PLEKHH1: variants seen among roughly 807,000 people sequenced by gnomAD.
PLEKHH1 encodes pleckstrin homology, MyTH4 and FERM domain containing H1, also known as pleckstrin homology domain-containing family H member 1.
In PLEKHH1, 104 loss-of-function variants were observed where a neutral mutation model predicts 160.0. The ratio of observed to expected loss-of-function variants is 0.65; its 90% CI spans 0.55 to 0.76. The LOEUF (loss-of-function observed/expected upper bound fraction) is 0.76. Among genes scored for constraint, PLEKHH1 ranks in the 30% least tolerant of loss-of-function variants. PLEKHH1 has a pLI of 0.00. For missense variants in PLEKHH1, 1,427 were observed against 1,724.1 expected (o/e 0.83, Z 3.05); for synonymous variants, 619 against 678.4 (o/e 0.91, Z 1.36).
At chr14:67,536,811 G>A (rs1341713992) in intron 1 of PLEKHH1, among the ~76,000 whole-genome samples, 1 of 151,868 alleles carries the variant, frequency 6.6e-6, no homozygotes, top group African/African-American at 2.4e-5. Flanking sequence ...GGGAGGCCAA[G>A]GCAGGTGGAT....
At chr14:67,579,069 A>T (rs2035763501) in intron 20 of PLEKHH1, 65 bp from the exon 21 acceptor site, 1 of 1,164,324 alleles carries the variant, frequency 8.6e-7, no homozygotes, top group African/African-American at 1.5e-5. Flanking sequence ...CTAGATAGGG[A>T]TCCGGGGTGC....
At chr14:67,534,052 T>G (rs1403092891) in intron 1 of PLEKHH1, among the ~76,000 whole-genome samples, 1 of 152,048 alleles carries the variant, frequency 6.6e-6, no homozygotes, top group East Asian at 1.9e-4. Flanking sequence ...ATCCACCTCA[T>G]AAAACTCTTC....
chr14:67,569,310 A>G, intron 8 of PLEKHH1, 94 bp downstream of exon 8: 3 of 877,228 alleles, frequency 3.4e-6, no homozygotes, highest in Non-Finnish European at 3.7e-6. Flanking sequence ...ACCCAGGGCC[A>G]GGGTTGGCTG....
At position 67,579,291 on chromosome 14, in the gene PLEKHH1, T is replaced by C; in HGVS notation, c.3007T>C (p.Phe1003Leu). 6.4e-7 allele frequency: 1 copy of C among 1,551,780 alleles called. No homozygotes were observed. Among genetic ancestry groups the C allele is most frequent in the Non-Finnish European group, 8.7e-7 (1 of 1,152,408 alleles). ...HSLPFSIPVH[F>L]TNGTYHVVGF... is the part of the protein sequence containing the mutation. ...CTTGCCCTTCAGCATCCCCGTGCACTTTACCAACGGGACTTACCATGTGAG... is the reference window on the plus strand; with the variant it reads ...CTTGCCCTTCAGCATCCCCGTGCACCTTACCAACGGGACTTACCATGTGAG... The change falls in exon 21 of 29, where the codon TTT (phenylalanine) becomes CTT (leucine). Residue 1003 changes from phenylalanine (F) to leucine (L), a missense_variant. Around this residue, in one of 6 missense-constraint regions of PLEKHH1, gnomAD observed 436 missense variants for 607.5 expected, o/e 0.72. Coordinates refer to ENST00000329153, the MANE Select transcript of PLEKHH1 (RefSeq NM_020715.3).
rs2035642030 is a variant in PLEKHH1, at chr14:67,576,805, C to A, written c.2461+302C>A. 6.6e-6 allele frequency among the ~76,000 whole-genome samples: 1 copy of A among 152,172 alleles called. No individual in the cohort carries two copies. The highest frequency in any genetic ancestry group is 2.4e-5 in the African/African-American group (1 of 41,418). On this transcript the variant is annotated intron_variant, in intron 17 of 28. Transcript: ENST00000329153. This position sits in a 1 kb window ranked among gnomAD's most constrained non-coding sequence, Gnocchi z 4.0. ...GCAGAGGGCTGAGGAAAGAAGGTAG[C>A]TGGTTAATCTATAGTTAGAGTTTGT... is the stretch of plus-strand genomic sequence containing the variant.
intron 7 of PLEKHH1, among the ~76,000 whole-genome samples, chr14:67,566,777 C>G (rs2035116604): frequency 6.7e-6 from 1 of 149,172 alleles, no homozygotes; most frequent in Non-Finnish European, 1.5e-5. Context: ...AGTGGGTCTT[C>G]TCTATCTGAA....
chr14:67,580,437 C>T (rs867480784), intron 22 of PLEKHH1: 14 of 170,900 alleles, frequency 8.2e-5, no homozygotes, highest in Admixed American at 2.7e-4. Context: ...AGAATGTGCT[C>T]TAGCACTTTG....
chr14:67,551,996 C>T (rs17184938), intron 2 of PLEKHH1, among the ~76,000 whole-genome samples: 49,339 of 152,118 alleles, frequency 0.32, 8,126 homozygotes, highest in Middle Eastern at 0.34. Context: ...CAGGAGAGTC[C>T]CAGGTGCTCC....
chr14:67,535,285 C>T (rs2033661698), intron 1 of PLEKHH1, among the ~76,000 whole-genome samples: 2 of 151,252 alleles, frequency 1.3e-5, no homozygotes, highest in South Asian at 4.2e-4. Flanking sequence ...ACTATATACC[C>T]TTTTGTTCAA....
intron 2 of PLEKHH1, among the ~76,000 whole-genome samples, chr14:67,545,674 G>A (rs1352073018): frequency 6.6e-6 from 1 of 152,172 alleles, no homozygotes; most frequent in Non-Finnish European, 1.5e-5. Flanking sequence ...CAGAGAGATG[G>A]ATAAACATAT....
intron 2 of PLEKHH1, among the ~76,000 whole-genome samples, chr14:67,545,892 T>A (rs1403865154): frequency 3.3e-5 from 5 of 152,136 alleles, no homozygotes; most frequent in African/African-American, 1.2e-4. Context: ...GCTCATGGAT[T>A]TTATATATTT....
Position 67,584,882 on chromosome 14 carries a change from T to G in PLEKHH1, c.3700-686T>G, listed in dbSNP as rs546831777. Among the ~76,000 whole-genome samples the G allele has an allele frequency of 2.0e-4, 31 of 152,322 alleles. No homozygotes were observed. In the South Asian group the frequency reaches 6.4e-3, roughly 32 times the overall value. On this transcript the variant is annotated intron_variant, in intron 26 of 28. Transcript: ENST00000329153. ...CAAATGCTATGAAGATGTACAGAGG[T>G]GTTATAAAGGCATATAACAGGGACC...
intron 25 of PLEKHH1, 46 bp from the exon 26 acceptor site, chr14:67,583,949 C>T (rs748400579): frequency 7.4e-6 from 12 of 1,612,420 alleles, no homozygotes; most frequent in Middle Eastern, 1.6e-4. Flanking sequence ...AATGAAGACA[C>T]GTCGGCACTT....
At chr14:67,546,528 T>C (rs2034188169) in intron 2 of PLEKHH1, among the ~76,000 whole-genome samples, 1 of 152,052 alleles carries the variant, frequency 6.6e-6, no homozygotes, top group Non-Finnish European at 1.5e-5. Context: ...GTAGCTGGGA[T>C]TACAGGCGCG....
At chr14:67,551,717 C>A (rs2034398721) in intron 2 of PLEKHH1, among the ~76,000 whole-genome samples, 1 of 152,098 alleles carries the variant, frequency 6.6e-6, no homozygotes, top group African/African-American at 2.4e-5. Context: ...GGAGAAACCC[C>A]ATCTCTACTA....
intron 2 of PLEKHH1, among the ~76,000 whole-genome samples, chr14:67,542,530 T>C (rs2034011350): frequency 6.6e-6 from 1 of 152,106 alleles, no homozygotes; most frequent in African/African-American, 2.4e-5. Flanking sequence ...CTAAGAGTTA[T>C]TTTGAGAATT....
chr14:67,552,850 G>A (rs907521561), intron 2 of PLEKHH1, among the ~76,000 whole-genome samples: 5 of 152,060 alleles, frequency 3.3e-5, no homozygotes, highest in Non-Finnish European at 7.4e-5. Context: ...GGGTGACCCA[G>A]GGCTGGGAGG....
At chr14:67,547,128 TAG>T (rs2034212612) in intron 2 of PLEKHH1, among the ~76,000 whole-genome samples, 1 of 152,128 alleles carries the variant, frequency 6.6e-6, no homozygotes, top group Non-Finnish European at 1.5e-5. Context: ...ATGGAAATGT[TAG>T]GGGTGCATAG....
intron 2 of PLEKHH1, among the ~76,000 whole-genome samples, chr14:67,546,268 A>G (rs1224162789): frequency 2.0e-5 from 3 of 152,244 alleles, no homozygotes; most frequent in Non-Finnish European, 4.4e-5. Flanking sequence ...TTTCTTAAAG[A>G]CAAACATCAG....
Sources: gnomAD v4.1 joint callset for allele counts (sites outside exome capture counted in the v4.1 genomes callset) on GRCh38, gnomAD v4.1.1 for gene constraint, gnomAD v4.1.1 regional missense constraint, Gnocchi (gnomAD v3.1) non-coding constraint, MANE v1.5 for transcripts, NCBI Gene and HGNC (gene_info 2026-07-23, HGNC 2026-07-21) for gene names.